The following SGF29 variants were observed in gnomAD, a reference collection of about 807,000 sequenced individuals.
SGF29 encodes SAGA complex associated factor 29.
SGF29 carries 15 observed loss-of-function variants against 38.1 expected under a neutral mutation model. The observed-to-expected ratio is 0.39, with a 90% CI of 0.26 to 0.61. The LOEUF (loss-of-function observed/expected upper bound fraction) is 0.61, where lower values mean the gene tolerates loss of function less well. SGF29 is among the 20% of genes least tolerant of loss of function. The pLI is 0.49. For synonymous variants in SGF29, 151 were observed against 160.8 expected (o/e 0.94, Z 0.46); for missense variants, 184 against 394.6 (o/e 0.47, Z 4.52).
intron 1 of SGF29, among the ~76,000 whole-genome samples, chr16:28,564,766 TATATATGTATATATATATATAC>T (rs1567286207): frequency 6.9e-4 from 41 of 59,788 alleles, no homozygotes; most frequent in African/African-American, 1.8e-3. Flanking sequence ...TATATATGTA[TATATATGTATATATATATATAC>T]ACACACACAC....
intron 1 of SGF29, among the ~76,000 whole-genome samples, chr16:28,555,652 G>A (rs1168419677): frequency 6.6e-6 from 1 of 152,204 alleles, no homozygotes; most frequent in East Asian, 1.9e-4. Flanking sequence ...CAAGCTGGAA[G>A]CCCAGGAAAG....
At chr16:28,584,856 G>A in intron 2 of SGF29, 57 bp from the exon 3 acceptor site, 1 of 1,316,674 alleles carries the variant, frequency 7.6e-7, no homozygotes, top group South Asian at 1.2e-5. Flanking sequence ...CTGGCTGGCA[G>A]GGTACCACAG....
chr16:28,564,458 C>T (rs904523698), intron 1 of SGF29, among the ~76,000 whole-genome samples: 15 of 147,094 alleles, frequency 1.0e-4, no homozygotes, highest in African/African-American at 3.3e-4. Flanking sequence ...CACTGGGGAG[C>T]GTGGAGGCCT....
In SGF29 at chr16:28,553,956, AG is replaced by A. The variant is rs1159307170; in HGVS notation, c.-156del. 1 of 150,062 alleles carries A rather than the reference AG, an allele frequency of 6.7e-6. No individual in the cohort carries two copies. Among genetic ancestry groups the A allele is most frequent in the Non-Finnish European group, 1.5e-5 (1 of 67,302 alleles). The allele number at this position is 150,062 out of a possible 1,614,324, so 9.3% of individuals were successfully genotyped here. A position where few individuals can be genotyped will look rare whatever the true frequency, so the allele number is the denominator to read the frequency against. On this transcript the variant is annotated 5_prime_UTR_variant, in exon 1 of 10. Coordinates refer to ENST00000317058, the MANE Select transcript of SGF29 (RefSeq NM_138414.3). ...GACTACGCTCATAAAAGGAAAAAAA[AG>A]CGTGTGCGGTTCTCGACGTGCCGCC...
At chr16:28,573,292 A>G (rs541023181) in intron 1 of SGF29, among the ~76,000 whole-genome samples, 1 of 152,288 alleles carries the variant, frequency 6.6e-6, no homozygotes, top group East Asian at 1.9e-4. Context: ...GCGAACTGCC[A>G]GGAGGGAGGC....
chr16:28,570,544 T>TTTTTTTTA (rs979752892), intron 1 of SGF29, among the ~76,000 whole-genome samples: 6 of 137,582 alleles, frequency 4.4e-5, no homozygotes, highest in Non-Finnish European at 9.3e-5. Context: ...TTTTTTTAAA[T>TTTTTTTTA]TTTATTTATT....
At chr16:28,588,069 A>C (rs1246000010) in intron 4 of SGF29, among the ~76,000 whole-genome samples, 1 of 151,984 alleles carries the variant, frequency 6.6e-6, no homozygotes, top group Admixed American at 6.6e-5. Context: ...TAAAGTGCTG[A>C]GATTACAGGC....
intron 1 of SGF29, among the ~76,000 whole-genome samples, chr16:28,563,250 T>G (rs150292352): frequency 6.6e-6 from 1 of 152,290 alleles, no homozygotes; most frequent in Non-Finnish European, 1.5e-5. Context: ...GTTTGCGTGG[T>G]AAGAGTGTGT....
chr16:28,566,158 C>T lies in SGF29; in HGVS notation c.-16+12061C>T, dbSNP rs552051991. Among the ~76,000 whole-genome samples the T allele has an allele frequency of 4.6e-5, 7 of 151,812 alleles. No homozygotes were observed. The East Asian group carries it at 1.4e-3, about 30-fold the overall frequency. On this transcript the variant is annotated intron_variant, in intron 1 of 9. Coordinates refer to ENST00000317058, the MANE Select transcript of SGF29 (RefSeq NM_138414.3). ...GCGTGGTGGCGGGCGCCTGTAGTCC[C>T]AGCTACTCAGGAGGCTGAGGTGGGA...
intron 1 of SGF29, among the ~76,000 whole-genome samples, chr16:28,577,438 G>A (rs917460685): frequency 2.0e-4 from 31 of 151,702 alleles, no homozygotes; most frequent in East Asian, 7.7e-4. Flanking sequence ...CTATGGATTC[G>A]GCTATTCTGG....
chr16:28,589,112 A>G lies in SGF29; in HGVS notation c.237A>G (p.Lys79=). ...TCCCCGCCCTCAGCATCCTTCGGAA[A>G]GCTCTGGACAAGATCGCGGAAATCA... The part of the protein sequence containing the change: ...DAEAECNILR[K]ALDKIAEIKS... Residue 79 remains lysine, a synonymous_variant, in exon 5 of 10, where the codon AAA becomes AAG. Transcript: ENST00000317058. 2 of 1,614,174 alleles carry G rather than the reference A, an allele frequency of 1.2e-6. No individual in the cohort carries two copies. The highest frequency in any genetic ancestry group is 1.7e-6 in the Non-Finnish European group (2 of 1,179,992).
chr16:28,557,966 T>G (rs12919343), intron 1 of SGF29, among the ~76,000 whole-genome samples: 14 of 78,448 alleles, frequency 1.8e-4, no homozygotes, highest in African/African-American at 1.0e-3. Context: ...TCTTTCTCTG[T>G]TTTTTTTTTT....
intron 1 of SGF29, among the ~76,000 whole-genome samples, chr16:28,556,744 A>G (rs1443493552): frequency 6.6e-6 from 1 of 152,060 alleles, no homozygotes. Flanking sequence ...CCTGGGCTCA[A>G]GTGATCCTCC....
Position 28,586,077 on chromosome 16 carries a change from G to A in SGF29, c.224+357G>A, listed in dbSNP as rs1343353013. 3.3e-5 allele frequency among the ~76,000 whole-genome samples: 5 copies of A among 152,160 alleles called. No homozygotes were observed. The East Asian group carries it at 5.8e-4, about 18-fold the overall frequency. ...GCCGAGGTTAGAGGATCACTTGAAC[G>A]CAGGTGTTTGAGACCAGCCTGGGCA... On this transcript the variant is annotated intron_variant, in intron 4 of 9. Transcript: ENST00000317058.
chr16:28,585,915 C>T (rs1294214527), intron 4 of SGF29, among the ~76,000 whole-genome samples, 195 bp downstream of exon 4: 1 of 152,218 alleles, frequency 6.6e-6, no homozygotes, highest in African/African-American at 2.4e-5. Context: ...CTGCTAATGC[C>T]TTTACAGAAG....
At chr16:28,585,366 G>T in intron 3 of SGF29, 1 of 550,256 alleles carries the variant, frequency 1.8e-6, no homozygotes, top group Non-Finnish European at 3.3e-6. Context: ...TCTGAGAATT[G>T]TGTTTTCCTG....
intron 1 of SGF29, among the ~76,000 whole-genome samples, chr16:28,561,688 G>A (rs752835810): frequency 2.0e-5 from 3 of 152,178 alleles, no homozygotes; most frequent in Non-Finnish European, 4.4e-5. Flanking sequence ...TTGAAACCTT[G>A]CTGGAATTGC....
At chr16:28,579,574 A>G (rs2046913912) in intron 1 of SGF29, among the ~76,000 whole-genome samples, 1 of 150,540 alleles carries the variant, frequency 6.6e-6, no homozygotes, top group Admixed American at 6.6e-5. Context: ...CTTTTATTGT[A>G]CAGAAGCATT....
intron 1 of SGF29, among the ~76,000 whole-genome samples, chr16:28,569,335 G>A (rs572858696): frequency 6.6e-6 from 1 of 152,288 alleles, no homozygotes; most frequent in East Asian, 1.9e-4. Flanking sequence ...TTAAGCATTT[G>A]GAAGATTCTC....
Sources: gnomAD v4.1 joint callset for allele counts (sites outside exome capture counted in the v4.1 genomes callset) on GRCh38, gnomAD v4.1.1 for gene constraint, MANE v1.5 for transcripts, NCBI Gene and HGNC (gene_info 2026-07-23, HGNC 2026-07-21) for gene names.